The following PIGX variants were observed in gnomAD, a reference collection of about 807,000 sequenced individuals.
The protein encoded by PIGX is phosphatidylinositol glycan anchor biosynthesis class X, also known as GPI alpha-1,4-mannosyltransferase I, stabilizing subunit.
Under a neutral mutation model 28.7 loss-of-function variants are expected in PIGX, and 24 were observed. That is an observed-to-expected ratio of 0.84 (90% CI 0.60 to 1.17). The LOEUF (loss-of-function observed/expected upper bound fraction) is 1.17, where lower values mean the gene tolerates loss of function less well. PIGX is among the 50% of genes most tolerant of loss of function. PIGX has a pLI of 0.00. For synonymous variants in PIGX, 127 were observed against 121.0 expected (o/e 1.05, Z -0.33); for missense variants, 305 against 317.8 (o/e 0.96, Z 0.31).
Position 196,727,983 on chromosome 3 carries a change from G to A in PIGX, c.379G>A (p.Glu127Lys). 6.2e-7 allele frequency: 1 copy of A among 1,614,168 alleles called. No homozygotes were observed. Residue 127 changes from glutamate (E) to lysine (K), a missense_variant, in exon 4 of 6, where the codon GAA becomes AAA. Transcript: ENST00000392391. ...CCCTAACTATTTGTCCAAGGAGTCTGAAGTTCTCATTTATGCCAGACGAGA... is the reference window on the plus strand; with the variant it reads ...CCCTAACTATTTGTCCAAGGAGTCTAAAGTTCTCATTTATGCCAGACGAGA...
intron 4 of PIGX, among the ~76,000 whole-genome samples, chr3:196,730,483 C>G (rs1712702919): frequency 6.6e-6 from 1 of 152,086 alleles, no homozygotes; most frequent in African/African-American, 2.4e-5. Context: ...GGCGTAGTGG[C>G]TCACGCCTGT....
At chr3:196,731,924 C>G (rs1202767639) in intron 5 of PIGX, among the ~76,000 whole-genome samples, 1 of 151,038 alleles carries the variant, frequency 6.6e-6, no homozygotes, top group East Asian at 2.0e-4. Context: ...CCTCCCTGTT[C>G]AATCAGTTCT....
Position 196,712,630 on chromosome 3 carries a change from C to T in PIGX, c.98C>T (p.Ala33Val), listed in dbSNP as rs1403128723. The T allele has an allele frequency of 8.4e-7, 1 of 1,189,314 alleles. No homozygotes were observed. The highest frequency in any genetic ancestry group is 1.6e-5 in the African/African-American group (1 of 62,778). The allele number at this position is 1,189,314 out of a possible 1,614,324, so 73.7% of individuals were successfully genotyped here. A position where few individuals can be genotyped will look rare whatever the true frequency, so the allele number is the denominator to read the frequency against. The change falls in exon 1 of 6, where the codon GCG becomes GTG. Residue 33 changes from alanine to valine, a missense_variant. Physicochemically the swap from Ala to Val is moderately conservative, Grantham distance 64. Transcript: ENST00000392391. ...GGGCCCGCCGCGGCCTTCACCGCCGCGCGCTCTGACGCCGGTAAGGGGGGC... is the reference window on the plus strand; with the variant it reads ...GGGCCCGCCGCGGCCTTCACCGCCGTGCGCTCTGACGCCGGTAAGGGGGGC...
intron 3 of PIGX, chr3:196,726,547 A>G: frequency 2.8e-6 from 1 of 363,508 alleles, no homozygotes; most frequent in East Asian, 8.1e-5. Flanking sequence ...TAAAGAAGGT[A>G]ATATTGCTCC....
intron 5 of PIGX, among the ~76,000 whole-genome samples, chr3:196,732,216 T>TATATATA (rs1553797075): frequency 5.8e-5 from 3 of 51,378 alleles, no homozygotes; most frequent in African/African-American, 9.1e-5. Flanking sequence ...TATATATTAT[T>TATATATA]TATATATATA....
intron 5 of PIGX, among the ~76,000 whole-genome samples, chr3:196,732,430 T>C (rs9847505): frequency 0.41 from 60,522 of 148,758 alleles, 12,478 homozygotes; most frequent in East Asian, 0.56. Context: ...TATAGGCACG[T>C]GCCACCATGC....
intron 5 of PIGX, among the ~76,000 whole-genome samples, chr3:196,732,867 C>A (rs1712869754): frequency 6.6e-6 from 1 of 152,054 alleles, no homozygotes; most frequent in Non-Finnish European, 1.5e-5. Context: ...ACTTTATCTT[C>A]AAAACCAAAT....
intron 3 of PIGX, among the ~76,000 whole-genome samples, chr3:196,724,462 G>A (rs529746311): frequency 6.6e-6 from 1 of 152,230 alleles, no homozygotes; most frequent in South Asian, 2.1e-4. Context: ...ATCACTTACC[G>A]TGTTCTAAGA....
rs1439610307 is a variant in PIGX at position 196,728,044 on chromosome 3, C to T, written c.440C>T (p.Pro147Leu). The T allele has an allele frequency of 1.2e-6, 2 of 1,614,104 alleles. No homozygotes were observed. Among genetic ancestry groups the T allele is most frequent in the Non-Finnish European group, 1.7e-6 (2 of 1,179,992 alleles). ...ATTGACTGTTTTCAAGCCTTTTTGC[C>T]TGTGCACTGCCGCTATCATCGGCCG... The change falls in exon 4 of 6, where the codon CCT (proline) becomes CTT (leucine). Residue 147 changes from proline (P) to leucine (L), a missense_variant. By Grantham distance (98) the Pro-to-Leu change is moderately conservative. Transcript: ENST00000392391.
Position 196,733,778 on chromosome 3 carries a change from T to C in PIGX, c.653T>C (p.Leu218Pro), listed in dbSNP as rs891308171. Residue 218 changes from leucine to proline, a missense_variant, in exon 6 of 6, where the codon CTA (leucine) becomes CCA (proline). Physicochemically the swap from Leu to Pro is moderately conservative, Grantham distance 98. Transcript: ENST00000392391. This position sits in a 1 kb window ranked among gnomAD's most constrained non-coding sequence, Gnocchi z 4.3. ...CCATAGGTATATAAGAATGTGATTC[T>C]ACAAGTTCCAGTGGGACTGACTGTA... is the stretch of plus-strand genomic sequence containing the variant. The C allele has an allele frequency of 1.9e-6, 3 of 1,594,732 alleles. No individual in the cohort carries two copies. The highest frequency in any genetic ancestry group is 2.6e-6 in the Non-Finnish European group (3 of 1,162,292).
intron 1 of PIGX, among the ~76,000 whole-genome samples, chr3:196,714,939 A>G (rs6583171): frequency 0.69 from 105,000 of 151,972 alleles, 37,042 homozygotes; most frequent in African/African-American, 0.85. Flanking sequence ...AGCCGGGCGT[A>G]GTGGCGCGTG....
At chr3:196,715,021 A>C (rs888968232) in intron 1 of PIGX, among the ~76,000 whole-genome samples, 1 of 152,210 alleles carries the variant, frequency 6.6e-6, no homozygotes, top group Non-Finnish European at 1.5e-5. Flanking sequence ...GGTTGCAGTG[A>C]GCCAAGATCG....
intron 3 of PIGX, among the ~76,000 whole-genome samples, chr3:196,724,494 G>A (rs1281515609): frequency 2.0e-5 from 3 of 152,080 alleles, no homozygotes; most frequent in African/African-American, 4.8e-5. Flanking sequence ...TTTTGGATGG[G>A]GGTTACCCAA....
Position 196,734,368 on chromosome 3 carries a change from T to C in PIGX, c.*466T>C, listed in dbSNP as rs1023123943. 4.6e-5 allele frequency: 7 copies of C among 152,984 alleles called. No individual in the cohort carries two copies. Among genetic ancestry groups the C allele is most frequent in the African/African-American group, 1.7e-4 (7 of 41,426 alleles). 9.5% of individuals were successfully genotyped at this position (152,984 alleles called of 1,614,324 possible). On this transcript the variant is annotated 3_prime_UTR_variant, in exon 6 of 6. Transcript: ENST00000392391. ...GGGCGGATCACCAGAGGTCAAGAGT[T>C]TGAGACCAGCTTGGTGAAACCCTGT...
chr3:196,723,443 ATGT>A (rs1361849370), intron 3 of PIGX, among the ~76,000 whole-genome samples: 2 of 152,302 alleles, frequency 1.3e-5, no homozygotes, highest in Non-Finnish European at 2.9e-5. Flanking sequence ...TCTAGTTGTA[ATGT>A]TGTTGCCCTT....
At position 196,712,640 on chromosome 3, in the gene PIGX, C is replaced by G. The variant is rs981474593; in HGVS notation, c.108C>G (p.Asp36Glu). The G allele has an allele frequency of 8.4e-7, 1 of 1,189,110 alleles. No homozygotes were observed. Among genetic ancestry groups the G allele is most frequent in the Non-Finnish European group, 1.0e-6 (1 of 960,370 alleles). The allele number at this position is 1,189,110 out of a possible 1,614,324, so 73.7% of individuals were successfully genotyped here. Residue 36 changes from aspartate (D) to glutamate (E), a missense_variant, in exon 1 of 6, where the codon GAC becomes GAG. Coordinates refer to ENST00000392391, the MANE Select transcript of PIGX (RefSeq NM_017861.4). ...CGGCCTTCACCGCCGCGCGCTCTGA[C>G]GCCGGTAAGGGGGGCGGGGCTTGGG...
chr3:196,733,678 GC>G lies in PIGX; in HGVS notation c.634-80del. ...TCTGCCCGCCTTGGCCTCCCGAAGT[GC>G]TGGGATTACAGGCATGAGCTACCAC... is the stretch of plus-strand genomic sequence containing the variant. On this transcript the variant is annotated intron_variant, in intron 5 of 5. Coordinates refer to ENST00000392391, the MANE Select transcript of PIGX (RefSeq NM_017861.4). This position sits in a 1 kb window ranked among gnomAD's most constrained non-coding sequence, Gnocchi z 4.3. 9.6e-7 allele frequency: 1 copy of G among 1,046,802 alleles called. No homozygotes were observed. Among genetic ancestry groups the G allele is most frequent in the Non-Finnish European group, 1.5e-6 (1 of 689,464 alleles). 64.8% of individuals were successfully genotyped at this position (1,046,802 alleles called of 1,614,324 possible). A position where few individuals can be genotyped will look rare whatever the true frequency, so the allele number is the denominator to read the frequency against.
chr3:196,726,614 T>C (rs764223680), intron 3 of PIGX: 13 of 451,704 alleles, frequency 2.9e-5, no homozygotes, highest in Non-Finnish European at 5.3e-5. Context: ...GGAAACCATG[T>C]CATGAGAACC....
intron 1 of PIGX, among the ~76,000 whole-genome samples, chr3:196,713,577 G>T (rs1188531581): frequency 1.3e-5 from 2 of 152,090 alleles, no homozygotes; most frequent in Admixed American, 1.3e-4. Context: ...AAAGTGCCAG[G>T]ATTACAGGTG....
Sources: gnomAD v4.1 joint callset for allele counts (sites outside exome capture counted in the v4.1 genomes callset) on GRCh38, gnomAD v4.1.1 for gene constraint, Gnocchi (gnomAD v3.1) non-coding constraint, MANE v1.5 for transcripts, NCBI Gene and HGNC (gene_info 2026-07-23, HGNC 2026-07-21) for gene names.